The following ADAMTS14 variants were observed in gnomAD, a reference collection of about 807,000 sequenced individuals.
ADAMTS14 encodes the protein ADAM metallopeptidase with thrombospondin type 1 motif 14, also known as A disintegrin and metalloproteinase with thrombospondin motifs 14.
ADAMTS14 carries 100 observed loss-of-function variants against 128.6 expected under a neutral mutation model. The ratio of observed to expected loss-of-function variants is 0.78; its 90% CI spans 0.66 to 0.92. ADAMTS14 has a LOEUF of 0.92. Among genes scored for constraint, ADAMTS14 ranks in the 40% least tolerant of loss-of-function variants. The pLI is 0.00. For missense variants in ADAMTS14, 1,562 were observed against 1,658.6 expected (o/e 0.94, Z 1.01); for synonymous variants, 665 against 653.8 (o/e 1.02, Z -0.26).
In ADAMTS14 at chr10:70,715,776, C is replaced by T. The variant is rs555339030; in HGVS notation, c.870+6998C>T. Among the ~76,000 whole-genome samples the T allele has an allele frequency of 3.3e-5, 5 of 152,194 alleles. No homozygotes were observed. The East Asian group carries it at 5.8e-4, about 18-fold the overall frequency. On this transcript the variant is annotated intron_variant, in intron 4 of 21. Coordinates refer to ENST00000373207, the MANE Select transcript of ADAMTS14 (RefSeq NM_080722.4). ...ATTCCAGGGCTGGCCTGGCCTGAAACGTGATGCATTCAGAAGGGGGTAGGA... is the reference window on the plus strand; with the variant it reads ...ATTCCAGGGCTGGCCTGGCCTGAAATGTGATGCATTCAGAAGGGGGTAGGA...
intron 4 of ADAMTS14, among the ~76,000 whole-genome samples, chr10:70,721,019 C>CTTTTTTT (rs56656736): frequency 0.042 from 3,569 of 84,048 alleles, 1 homozygote; most frequent in Non-Finnish European, 0.055. Context: ...TCTCTTTTTT[C>CTTTTTTT]TTTTTTTTTT....
At chr10:70,713,375 G>C (rs1840921380) in intron 4 of ADAMTS14, among the ~76,000 whole-genome samples, 1 of 152,222 alleles carries the variant, frequency 6.6e-6, no homozygotes, top group Non-Finnish European at 1.5e-5. Flanking sequence ...GGTTGCAGGT[G>C]ACAGATCCAG....
Position 70,733,984 on chromosome 10 carries a change from C to A in ADAMTS14, c.1308C>A (p.Phe436Leu). Reference sequence around the variant, plus strand: ...TGGTGCAGGCTGCCTTCCACCGCTTCCATTGGTCCCGCTGCAGCAAGCTGG... The same window carrying A: ...TGGTGCAGGCTGCCTTCCACCGCTTACATTGGTCCCGCTGCAGCAAGCTGG... ...APLVQAAFHR[F>L]HWSRCSKLEL... Residue 436 changes from phenylalanine (F) to leucine (L), a missense_variant, in exon 8 of 22, where the codon TTC (phenylalanine) becomes TTA (leucine). Transcript: ENST00000373207. The A allele has an allele frequency of 6.2e-7, 1 of 1,613,858 alleles. No homozygotes were observed.
At chr10:70,673,010 C>G (rs1170360211) in intron 1 of ADAMTS14, 126 bp downstream of exon 1, 1 of 1,264,742 alleles carries the variant, frequency 7.9e-7, no homozygotes. Flanking sequence ...ACACTCTGGG[C>G]TGATTTGCTG....
chr10:70,742,428 A>C (rs545808748), intron 12 of ADAMTS14, among the ~76,000 whole-genome samples: 1 of 152,174 alleles, frequency 6.6e-6, no homozygotes, highest in Non-Finnish European at 1.5e-5. Flanking sequence ...CCCCAGACCC[A>C]GGTCCCTACA....
chr10:70,727,784 T>G (rs959487507), intron 4 of ADAMTS14, among the ~76,000 whole-genome samples: 3 of 152,252 alleles, frequency 2.0e-5, no homozygotes, highest in African/African-American at 7.2e-5. Context: ...CTCACTATGT[T>G]GCCCAGGCTG....
intron 2 of ADAMTS14, among the ~76,000 whole-genome samples, chr10:70,701,085 A>G (rs1840479750): frequency 6.6e-6 from 1 of 152,212 alleles, no homozygotes; most frequent in Non-Finnish European, 1.5e-5. Context: ...CTCCAAAATG[A>G]TGTTTTCTGT....
rs867448729 is a variant in ADAMTS14, at chr10:70,718,332, C to T, written c.870+9554C>T. 3.9e-5 allele frequency among the ~76,000 whole-genome samples: 6 copies of T among 152,206 alleles called. No individual in the cohort carries two copies. The Middle Eastern group carries it at 0.01, about 259-fold the overall frequency. ...TGTGAAAAGTAAAAAAACTCATTCA[C>T]TGTAAAGCAGTAGTTCTTTTTAAAG... is the stretch of plus-strand genomic sequence containing the variant. On this transcript the variant is annotated intron_variant, in intron 4 of 21. Transcript: ENST00000373207.
chr10:70,731,409 C>A (rs61852886), intron 6 of ADAMTS14, among the ~76,000 whole-genome samples: 1 of 152,186 alleles, frequency 6.6e-6, no homozygotes, highest in African/African-American at 2.4e-5. Flanking sequence ...AATAAAAGAA[C>A]ATTTCAGCTC....
chr10:70,752,934 C>T (rs753032053), intron 18 of ADAMTS14, among the ~76,000 whole-genome samples: 22 of 152,252 alleles, frequency 1.4e-4, no homozygotes, highest in Admixed American at 9.8e-4. Context: ...CTGCCCAAGA[C>T]AGCTTCATAA....
chr10:70,690,018 G>A (rs1171172520), intron 2 of ADAMTS14, among the ~76,000 whole-genome samples: 1 of 144,930 alleles, frequency 6.9e-6, no homozygotes, highest in Non-Finnish European at 1.6e-5. Context: ...TCACCACCCT[G>A]CTGTAGAATG....
chr10:70,708,029 T>C (rs551611205), intron 3 of ADAMTS14, among the ~76,000 whole-genome samples: 1 of 152,334 alleles, frequency 6.6e-6, no homozygotes, highest in South Asian at 2.1e-4. Context: ...GCTATTTTGC[T>C]TTTAGCCAAA....
chr10:70,752,435 A>T (rs933308357), intron 18 of ADAMTS14, among the ~76,000 whole-genome samples: 4 of 145,618 alleles, frequency 2.7e-5, no homozygotes, highest in African/African-American at 1.1e-4. Flanking sequence ...GAGTCCAGAG[A>T]CATGGCTCAG....
rs557232034 is a variant in ADAMTS14, at chr10:70,685,635, C to A, written c.522+10640C>A. Among the ~76,000 whole-genome samples, 4 of 152,232 alleles carry A rather than the reference C, an allele frequency of 2.6e-5. No homozygotes were observed. In the South Asian group the frequency reaches 8.3e-4, roughly 32 times the overall value. On this transcript the variant is annotated intron_variant, in intron 2 of 21. Transcript: ENST00000373207. Reference sequence around the variant, plus strand: ...TGTCAGGTGTCAGGGCACGCAAGGACCAAGGTTCCTGACTCCCAGGCAATG... The same window carrying A: ...TGTCAGGTGTCAGGGCACGCAAGGAACAAGGTTCCTGACTCCCAGGCAATG...
At chr10:70,716,337 T>C (rs1414377824) in intron 4 of ADAMTS14, among the ~76,000 whole-genome samples, 2 of 152,190 alleles carry the variant, frequency 1.3e-5, no homozygotes, top group Non-Finnish European at 2.9e-5. Context: ...GGAAGCCCAG[T>C]TCCTCTTGGG....
chr10:70,745,362 T>A (rs1842145580), intron 15 of ADAMTS14, 56 bp downstream of exon 15: 2 of 1,585,692 alleles, frequency 1.3e-6, no homozygotes, highest in East Asian at 4.5e-5. Context: ...GCCCTCTGAC[T>A]TGGGGGAGCT....
At chr10:70,679,958 A>G (rs1333509769) in intron 2 of ADAMTS14, among the ~76,000 whole-genome samples, 1 of 151,910 alleles carries the variant, frequency 6.6e-6, no homozygotes, top group Non-Finnish European at 1.5e-5. Flanking sequence ...GGGCGGGGGG[A>G]GTTGAGAACT....
At position 70,690,949 on chromosome 10, in the gene ADAMTS14, CT is replaced by C. The variant is rs749131429; in HGVS notation, c.523-11361del. On this transcript the variant is annotated intron_variant, in intron 2 of 21. Transcript: ENST00000373207. ...GGCCAGGCAGAGCTCCTTCGCCGAG[CT>C]TGGTGGGCTATGATGGTGACAGAGG... 1.6e-4 allele frequency among the ~76,000 whole-genome samples: 23 copies of C among 144,860 alleles called. 4 individuals carry two copies. Among genetic ancestry groups the C allele is most frequent in the Admixed American group, 6.2e-4 (9 of 14,598 alleles).
At chr10:70,708,884 G>A in intron 4 of ADAMTS14, 106 bp downstream of exon 4, 1 of 908,444 alleles carries the variant, frequency 1.1e-6, no homozygotes, top group Non-Finnish European at 1.5e-6. Context: ...CTGGGGCCTG[G>A]TATTTTTTAG....
Sources: gnomAD v4.1 joint callset for allele counts (sites outside exome capture counted in the v4.1 genomes callset) on GRCh38, gnomAD v4.1.1 for gene constraint, MANE v1.5 for transcripts, NCBI Gene and HGNC (gene_info 2026-07-23, HGNC 2026-07-21) for gene names.